The following CRLF3 variants were observed in gnomAD, a reference collection of about 807,000 sequenced individuals.
CRLF3 encodes cytokine receptor like factor 3, also known as cytokine receptor-like factor 3.
A neutral mutation model predicts 55.0 loss-of-function variants in CRLF3; 33 were observed. The observed-to-expected ratio is 0.60, with a 90% confidence interval of 0.46 to 0.80. The LOEUF (loss-of-function observed/expected upper bound fraction) is 0.80. Ranked by LOEUF, CRLF3 falls within the 30% of genes least tolerant of loss-of-function variation. The probability of loss-of-function intolerance (pLI) is 0.00; values close to 1 mark genes in which losing one functional copy is unlikely to be tolerated. For synonymous variants in CRLF3, 238 were observed against 196.8 expected, an observed-to-expected ratio of 1.21 and a Z score of -1.75; for missense variants, 494 against 538.4, an observed-to-expected ratio of 0.92 and a Z score of 0.82.
rs777726409 is a variant in CRLF3, at chr17:30,797,300, A to G, written c.425+11T>C. On this transcript the variant is annotated intron_variant, in intron 3 of 7. Coordinates refer to ENST00000324238, the MANE Select transcript of CRLF3 (RefSeq NM_015986.4). ...CTTAAAAGTAAGTCAAAAAGGCACA[A>G]ACTCTTTTACCTGTCCAACTGAATG... is the stretch of plus-strand genomic sequence containing the variant. 1.2e-5 allele frequency: 20 copies of G among 1,601,754 alleles called. No individual in the cohort carries two copies. The highest frequency in any genetic ancestry group is 1.6e-5 in the Non-Finnish European group (19 of 1,168,776).
chr17:30,806,064 C>A (rs576725815), intron 1 of CRLF3, among the ~76,000 whole-genome samples: 4 of 151,898 alleles, frequency 2.6e-5, no homozygotes, highest in East Asian at 3.9e-4. Context: ...AACAAACAAA[C>A]AAAAAAACTC....
At chr17:30,791,526 T>C (rs1325358919) in intron 6 of CRLF3, among the ~76,000 whole-genome samples, 1 of 147,056 alleles carries the variant, frequency 6.8e-6, no homozygotes, top group Non-Finnish European at 1.5e-5. Context: ...CTAAAATTTT[T>C]TTTTTTTTTG....
At chr17:30,812,026 C>T (rs1904644307) in intron 1 of CRLF3, among the ~76,000 whole-genome samples, 1 of 151,718 alleles carries the variant, frequency 6.6e-6, no homozygotes, top group East Asian at 1.9e-4. Flanking sequence ...AGGAGAATGG[C>T]GTGAGCGGGG....
At chr17:30,784,506 T>A in intron 7 of CRLF3, 63 bp from the exon 8 acceptor site, 1 of 1,376,384 alleles carries the variant, frequency 7.3e-7, no homozygotes, top group South Asian at 1.3e-5. Context: ...TGAAATAGTT[T>A]CTAGATTACT....
rs1364338094 is a variant in CRLF3 at position 30,783,749 on chromosome 17, C to T, written c.*438G>A. ...CACATTCATGTGGACAGCACATGAA[C>T]GGATGTATTAATACATTACACAGCT... On this transcript the variant is annotated 3_prime_UTR_variant, in exon 8 of 8. Coordinates refer to ENST00000324238, the MANE Select transcript of CRLF3 (RefSeq NM_015986.4). The T allele has an allele frequency of 1.9e-5, 3 of 156,214 alleles. No individual in the cohort carries two copies. The highest frequency in any genetic ancestry group is 6.3e-5 in the Admixed American group (1 of 15,900). The allele number at this position is 156,214 out of a possible 1,614,324, so 9.7% of individuals were successfully genotyped here. A position where few individuals can be genotyped will look rare whatever the true frequency, so the allele number is the denominator to read the frequency against.
chr17:30,793,853 T>C (rs1971862157), intron 4 of CRLF3, among the ~76,000 whole-genome samples, 181 bp from the exon 5 acceptor site: 1 of 151,916 alleles, frequency 6.6e-6, no homozygotes, highest in Admixed American at 6.6e-5. Context: ...CTTCTTTTTT[T>C]TTTGAGAAAG....
intron 4 of CRLF3, 36 bp downstream of exon 4, chr17:30,796,124 A>T (rs1971913357): frequency 6.6e-7 from 1 of 1,505,570 alleles, no homozygotes; most frequent in African/African-American, 1.4e-5. Flanking sequence ...CAAACCCATA[A>T]TGTGGAAGTC....
Position 30,782,975 on chromosome 17 carries a change from A to C in CRLF3, c.*1212T>G, listed in dbSNP as rs1971530767. ...GCATAGAAGACAATTATTTTTACAT[A>C]TTAAAGTCCTTCAAATAAATATTTT... is the stretch of plus-strand genomic sequence containing the variant. On this transcript the variant is annotated 3_prime_UTR_variant, in exon 8 of 8. Coordinates refer to ENST00000324238, the MANE Select transcript of CRLF3 (RefSeq NM_015986.4). The C allele has an allele frequency of 6.6e-6, 1 of 152,234 alleles. No homozygotes were observed. The highest frequency in any genetic ancestry group is 2.1e-4 in the South Asian group (1 of 4,828). The allele number at this position is 152,234 out of a possible 1,614,324, so 9.4% of individuals were successfully genotyped here.
chr17:30,803,820 T>C (rs1268393568), intron 2 of CRLF3, 81 bp downstream of exon 2: 6 of 1,045,646 alleles, frequency 5.7e-6, no homozygotes, highest in Non-Finnish European at 7.4e-6. Flanking sequence ...CTTTTGTAAA[T>C]TGCCCAGTTT....
At chr17:30,804,803 T>C (rs1398782068) in intron 1 of CRLF3, among the ~76,000 whole-genome samples, 1 of 152,192 alleles carries the variant, frequency 6.6e-6, no homozygotes, top group Non-Finnish European at 1.5e-5. Context: ...CAAATCTTGG[T>C]TTCATCATTC....
intron 1 of CRLF3, among the ~76,000 whole-genome samples, chr17:30,816,454 A>ATATTTT (rs1904808235): frequency 6.9e-6 from 1 of 144,408 alleles, no homozygotes; most frequent in Non-Finnish European, 1.5e-5. Flanking sequence ...TTATATTACT[A>ATATTTT]TATTTTTATG....
Position 30,784,308 on chromosome 17 carries a change from C to G in CRLF3, c.1208G>C (p.Arg403Pro). 6.2e-7 allele frequency: 1 copy of G among 1,614,114 alleles called. No homozygotes were observed. The highest frequency in any genetic ancestry group is 8.5e-7 in the Non-Finnish European group (1 of 1,180,010). Residue 403 changes from arginine (R) to proline (P), a missense_variant, in exon 8 of 8, where the codon CGA becomes CCA. Coordinates refer to ENST00000324238, the MANE Select transcript of CRLF3 (RefSeq NM_015986.4). ...TCTATTATTTGAACTTATAGTTACT[C>G]GAAGCTTGAAGTGTCCACCTTCATT... ...SNNEGGHFKL[R>P]VTISSNNREV... is the part of the protein sequence containing the mutation.
chr17:30,813,659 T>C (rs1348030212), intron 1 of CRLF3, among the ~76,000 whole-genome samples: 1 of 152,156 alleles, frequency 6.6e-6, no homozygotes, highest in African/African-American at 2.4e-5. Context: ...ACGTGCAGGT[T>C]TGTTACATAT....
At position 30,824,625 on chromosome 17, in the gene CRLF3, A is replaced by T; in HGVS notation, c.27T>A (p.Pro9=). 1 of 1,604,692 alleles carries T rather than the reference A, an allele frequency of 6.2e-7. No homozygotes were observed. The highest frequency in any genetic ancestry group is 8.5e-7 in the Non-Finnish European group (1 of 1,179,004). The stretch of plus-strand genomic sequence containing the variant: ...CGCGGGCCTCCTGCAACAGCAGCTC[A>T]GGCTCCAGCTCCATCGCCCCCCTCA... MRGAMELE[P]ELLLQEAREN... Residue 9 remains proline, a synonymous_variant, in exon 1 of 8, where the codon CCT becomes CCA. Coordinates refer to ENST00000324238, the MANE Select transcript of CRLF3 (RefSeq NM_015986.4).
chr17:30,815,701 C>T (rs1904777466), intron 1 of CRLF3, among the ~76,000 whole-genome samples: 1 of 149,270 alleles, frequency 6.7e-6, no homozygotes, highest in Non-Finnish European at 1.5e-5. Context: ...ACCACCACAC[C>T]CACCTAACTT....
At position 30,824,504 on chromosome 17, in the gene CRLF3, G is replaced by A. The variant is rs1351121671; in HGVS notation, c.129+19C>T. On this transcript the variant is annotated intron_variant, in intron 1 of 7. Transcript: ENST00000324238. ...CCACCCCCGGGCCCACAGCGCCCCT[G>A]TGGGTGTGGCCCTCCGACCTGCCTC... 2 of 1,578,110 alleles carry A rather than the reference G, an allele frequency of 1.3e-6. No homozygotes were observed. Among genetic ancestry groups the A allele is most frequent in the Non-Finnish European group, 1.7e-6 (2 of 1,167,954 alleles).
rs760936622 is a variant in CRLF3, at chr17:30,824,488, G to T, written c.129+35C>A. 15 of 1,557,890 alleles carry T rather than the reference G, an allele frequency of 9.6e-6. No homozygotes were observed. In the African/African-American group the frequency reaches 2.1e-4, roughly 21 times the overall value. On this transcript the variant is annotated intron_variant, in intron 1 of 7. Coordinates refer to ENST00000324238, the MANE Select transcript of CRLF3 (RefSeq NM_015986.4). ...TCGCCCGGCATCCGCGCCACCCCCGGGCCCACAGCGCCCCTGTGGGTGTGG... is the reference window on the plus strand; with the variant it reads ...TCGCCCGGCATCCGCGCCACCCCCGTGCCCACAGCGCCCCTGTGGGTGTGG...
At chr17:30,817,076 T>C (rs935551758) in intron 1 of CRLF3, among the ~76,000 whole-genome samples, 1 of 152,170 alleles carries the variant, frequency 6.6e-6, no homozygotes, top group African/African-American at 2.4e-5. Flanking sequence ...CCAGAATCAA[T>C]ACATTGCAAC....
intron 6 of CRLF3, among the ~76,000 whole-genome samples, chr17:30,791,458 C>T (rs572747596): frequency 1.6e-3 from 240 of 152,182 alleles, no homozygotes; most frequent in African/African-American, 5.4e-3. Context: ...CCAACCGCCT[C>T]GGCCTCCCAA....
Sources: allele counts gnomAD v4.1 joint callset (sites outside exome capture counted in the v4.1 genomes callset), GRCh38; gene constraint gnomAD v4.1.1; transcripts MANE v1.5; gene names NCBI Gene and HGNC (gene_info 2026-07-23, HGNC 2026-07-21).